TMEM117: variants seen among roughly 807,000 people sequenced by gnomAD.
The protein encoded by TMEM117 is transmembrane protein 117.
In TMEM117, 27 loss-of-function variants were observed where a neutral mutation model predicts 52.4. The ratio of observed to expected loss-of-function variants is 0.51; its 90% confidence interval spans 0.38 to 0.71. TMEM117 has a LOEUF of 0.71. Ranked by LOEUF, TMEM117 falls within the 30% of genes least tolerant of loss-of-function variation. The pLI, the probability that TMEM117 is intolerant of heterozygous loss-of-function variation, is 0.00. For synonymous variants in TMEM117, 215 were observed against 206.3 expected, an observed-to-expected ratio of 1.04 and a Z score of -0.36; for missense variants, 556 against 630.5, an observed-to-expected ratio of 0.88 and a Z score of 1.26.
intron 3 of TMEM117, among the ~76,000 whole-genome samples, chr12:44,060,222 C>G (rs1947118264): frequency 6.6e-6 from 1 of 152,150 alleles, no homozygotes; most frequent in Non-Finnish European, 1.5e-5. Context: ...CTGGCATTGT[C>G]TTTCTTTTCT....
At chr12:44,338,885 T>A (rs1951378424) in intron 6 of TMEM117, among the ~76,000 whole-genome samples, 5 of 152,194 alleles carry the variant, frequency 3.3e-5, no homozygotes, top group Admixed American at 3.3e-4. Flanking sequence ...CATTTTGAAA[T>A]TGTTGGAAAA....
chr12:44,172,170 A>G (rs1382033353), intron 4 of TMEM117, among the ~76,000 whole-genome samples: 1 of 152,212 alleles, frequency 6.6e-6, no homozygotes, highest in African/African-American at 2.4e-5. Flanking sequence ...AGGATTGCAC[A>G]TTCTGTTATT....
intron 3 of TMEM117, among the ~76,000 whole-genome samples, chr12:43,981,276 A>G (rs1290732694): frequency 6.6e-6 from 1 of 152,130 alleles, no homozygotes; most frequent in Admixed American, 6.6e-5. Flanking sequence ...TTTTCTGACC[A>G]TTTTATTTCA....
chr12:44,063,295 A>G (rs1947168460), intron 3 of TMEM117, among the ~76,000 whole-genome samples: 1 of 152,174 alleles, frequency 6.6e-6, no homozygotes, highest in South Asian at 2.1e-4. Flanking sequence ...TAAATCCCTC[A>G]TTGACAGTTT....
At chr12:44,356,740 G>A (rs1018419003) in intron 6 of TMEM117, among the ~76,000 whole-genome samples, 20 of 151,990 alleles carry the variant, frequency 1.3e-4, no homozygotes, top group South Asian at 4.1e-4. Flanking sequence ...TGTTAACGTC[G>A]GTGCCATTAG....
At chr12:44,093,480 G>A (rs1486958327) in intron 3 of TMEM117, among the ~76,000 whole-genome samples, 2 of 152,054 alleles carry the variant, frequency 1.3e-5, no homozygotes, top group Non-Finnish European at 2.9e-5. Context: ...CCTCTCTGGG[G>A]GATGGAGGAC....
chr12:44,160,649 A>C (rs1948886309), intron 4 of TMEM117, among the ~76,000 whole-genome samples: 1 of 152,038 alleles, frequency 6.6e-6, no homozygotes, highest in Admixed American at 6.6e-5. Context: ...CAAAAAATTT[A>C]AAATTAGCTG....
At chr12:44,161,725 A>T (rs949024226) in intron 4 of TMEM117, among the ~76,000 whole-genome samples, 3 of 152,156 alleles carry the variant, frequency 2.0e-5, no homozygotes, top group Non-Finnish European at 2.9e-5. Context: ...TTATTACCAT[A>T]TGATAATTTT....
At chr12:43,796,036 T>G in the TMEM117 span, among the ~76,000 whole-genome samples, 1 of 152,204 alleles carries the variant, frequency 6.6e-6, no homozygotes, top group Non-Finnish European at 1.5e-5. Context: ...GTTGCTATGA[T>G]ACACTATTTA....
chr12:44,042,682 G>A lies in TMEM117; in HGVS notation c.410+98340G>A, dbSNP rs1946818384. Among the ~76,000 whole-genome samples the A allele has an allele frequency of 2.0e-5, 3 of 151,638 alleles. No individual in the cohort carries two copies. In the South Asian group the frequency reaches 6.3e-4, roughly 32 times the overall value. ...CCAGGTTCTTCAGTTTTGGGACTCG[G>A]ACTGGCTCTCCTTGCTCTTCAACTT... On this transcript the variant is annotated intron_variant, in intron 3 of 7. Transcript: ENST00000266534.
intron 5 of TMEM117, among the ~76,000 whole-genome samples, chr12:44,253,910 C>T (rs946456997): frequency 6.8e-6 from 1 of 147,480 alleles, no homozygotes; most frequent in African/African-American, 2.5e-5. Context: ...TACAAAACTG[C>T]AGAGAACATT....
chr12:44,224,988 A>G (rs1565611517), intron 5 of TMEM117, among the ~76,000 whole-genome samples: 1 of 152,116 alleles, frequency 6.6e-6, no homozygotes, highest in Admixed American at 6.6e-5. Flanking sequence ...TCCATAAGGA[A>G]TGAGAATGCT....
chr12:44,158,890 A>G (rs988794321), intron 4 of TMEM117, among the ~76,000 whole-genome samples: 1 of 152,196 alleles, frequency 6.6e-6, no homozygotes, highest in Non-Finnish European at 1.5e-5. Flanking sequence ...GGTCTTTGGC[A>G]TCCTTGCTGT....
chr12:44,102,061 T>C (rs1462279331), intron 3 of TMEM117, among the ~76,000 whole-genome samples: 1 of 151,952 alleles, frequency 6.6e-6, no homozygotes, highest in Non-Finnish European at 1.5e-5. Flanking sequence ...CCGATAAAGA[T>C]AATTAAAAGT....
intron 3 of TMEM117, among the ~76,000 whole-genome samples, chr12:44,027,775 AAAT>A (rs1296641158): frequency 6.6e-6 from 1 of 152,214 alleles, no homozygotes; most frequent in African/African-American, 2.4e-5. Flanking sequence ...AAGTAGTATT[AAAT>A]AAATTGTTTA....
intron 3 of TMEM117, among the ~76,000 whole-genome samples, chr12:43,955,945 C>T (rs1481382495): frequency 1.3e-5 from 2 of 152,004 alleles, no homozygotes; most frequent in African/African-American, 2.4e-5. Context: ...AAAATAGGCA[C>T]GTAGACCATT....
chr12:44,197,088 GCTAA>G (rs762216189), intron 4 of TMEM117, among the ~76,000 whole-genome samples: 4 of 152,170 alleles, frequency 2.6e-5, no homozygotes, highest in African/African-American at 4.8e-5. Context: ...GGGAGACTGA[GCTAA>G]CTCTTTTGGC....
intron 5 of TMEM117, among the ~76,000 whole-genome samples, chr12:44,270,393 C>G (rs1172533109): frequency 2.6e-5 from 4 of 151,944 alleles, no homozygotes; most frequent in African/African-American, 9.7e-5. Context: ...AAAGGGGTTG[C>G]GTTCTTGATT....
At chr12:44,031,558 A>T in intron 3 of TMEM117, among the ~76,000 whole-genome samples, 1 of 152,202 alleles carries the variant, frequency 6.6e-6, no homozygotes, top group Non-Finnish European at 1.5e-5. Context: ...TTAAATACAT[A>T]AACTAAACTA....
Sources: allele counts gnomAD v4.1 joint callset (sites outside exome capture counted in the v4.1 genomes callset), GRCh38; gene constraint gnomAD v4.1.1; transcripts MANE v1.5; gene names NCBI Gene and HGNC (gene_info 2026-07-23, HGNC 2026-07-21).